The following CFAP221 variants were observed in gnomAD, a reference collection of about 807,000 sequenced individuals.
CFAP221 encodes cilia and flagella associated protein 221.
Under a neutral mutation model 113.1 loss-of-function variants are expected in CFAP221, and 97 were observed. The ratio of observed to expected loss-of-function variants is 0.86; its 90% CI spans 0.73 to 1.02. The LOEUF is 1.02. Among genes scored for constraint, CFAP221 ranks in the 50% least tolerant of loss-of-function variants. CFAP221 has a pLI of 0.00. For synonymous variants in CFAP221, 331 were observed against 354.4 expected (o/e 0.93, Z 0.74); for missense variants, 1,025 against 1,013.4 (o/e 1.01, Z -0.16).
intron 15 of CFAP221, 121 bp from the exon 16 acceptor site, chr2:119,627,518 GATATATATATATAT>G (rs57740311): frequency 1.5e-5 from 7 of 477,882 alleles, no homozygotes; most frequent in Non-Finnish European, 1.3e-5. Flanking sequence ...AGTAAAAGTG[GATATATATATATAT>G]ATATATATAT....
intron 19 of CFAP221, among the ~76,000 whole-genome samples, chr2:119,634,934 A>T (rs780870365): frequency 2.0e-5 from 3 of 152,230 alleles, no homozygotes; most frequent in Non-Finnish European, 4.4e-5. Flanking sequence ...ACATTTAAAA[A>T]TTTGTTAAAA....
rs777113282 is a variant in CFAP221, at chr2:119,648,408, A to T, written c.2318+1358A>T. On this transcript the variant is annotated intron_variant, in intron 22 of 23. Coordinates refer to ENST00000413369, the MANE Select transcript of CFAP221 (RefSeq NM_001271049.2). Reference sequence around the variant, plus strand: ...ATGAATACATATTTCTGATATTTTTAAATTTTGATTTTTCATGTCTTTGGG... The same window carrying T: ...ATGAATACATATTTCTGATATTTTTTAATTTTGATTTTTCATGTCTTTGGG... The T allele has an allele frequency of 6.6e-5, 17 of 258,764 alleles. 1 individual carries two copies. Among genetic ancestry groups the T allele is most frequent in the South Asian group, 6.3e-4 (17 of 27,196 alleles). The allele number at this position is 258,764 out of a possible 1,614,324, so 16.0% of individuals were successfully genotyped here.
chr2:119,576,965 C>T (rs1479243349), intron 6 of CFAP221, among the ~76,000 whole-genome samples: 4 of 152,208 alleles, frequency 2.6e-5, no homozygotes, highest in Admixed American at 2.6e-4. Flanking sequence ...GACTTTCTTC[C>T]TTCTCTCTAT....
At chr2:119,644,996 C>CG (rs1553496217) in intron 21 of CFAP221, among the ~76,000 whole-genome samples, 26 of 125,676 alleles carry the variant, frequency 2.1e-4, no homozygotes, top group Admixed American at 1.1e-3. Flanking sequence ...TCCAGGTCCC[C>CG]CCCCCCACCC....
chr2:119,569,099 A>AT (rs149836597), intron 6 of CFAP221, among the ~76,000 whole-genome samples: 28,654 of 150,714 alleles, frequency 0.19, 2,881 homozygotes, highest in African/African-American at 0.25. Flanking sequence ...CTACTGGGAA[A>AT]TTTTTTTTTC....
In CFAP221 at chr2:119,652,038, A is replaced by C; in HGVS notation, c.2383A>C (p.Met795Leu). The stretch of plus-strand genomic sequence containing the variant: ...AGAAATGATCAAAGTGGAATTCCCT[A>C]TGTTGAACTACAAGGACATCAGGAA... ...TPEMIKVEFP[M>L]LNYKDIRKEK... The change falls in exon 23 of 24, where the codon ATG becomes CTG. Residue 795 changes from methionine (M) to leucine (L), a missense_variant. Physicochemically the swap from Met to Leu is conservative, Grantham distance 15. Transcript: ENST00000413369. 1.9e-6 allele frequency: 3 copies of C among 1,613,240 alleles called. No homozygotes were observed. The highest frequency in any genetic ancestry group is 2.5e-6 in the Non-Finnish European group (3 of 1,179,462).
At chr2:119,555,707 C>A (rs1680746087) in intron 3 of CFAP221, among the ~76,000 whole-genome samples, 1 of 152,152 alleles carries the variant, frequency 6.6e-6, no homozygotes, top group Non-Finnish European at 1.5e-5. Context: ...GAGCCCTAGC[C>A]CAGAGCTGGA....
At chr2:119,643,482 C>A (rs1170374366) in intron 21 of CFAP221, among the ~76,000 whole-genome samples, 1 of 152,124 alleles carries the variant, frequency 6.6e-6, no homozygotes, top group East Asian at 1.9e-4. Context: ...GTGAAATGTC[C>A]AGAAGAACTT....
At chr2:119,582,589 G>A (rs975482301) in intron 6 of CFAP221, among the ~76,000 whole-genome samples, 1 of 151,818 alleles carries the variant, frequency 6.6e-6, no homozygotes, top group African/African-American at 2.4e-5. Flanking sequence ...CCGAGCAGCT[G>A]GGACTACAGG....
Position 119,607,817 on chromosome 2 carries a change from C to T in CFAP221, c.1134-685C>T, listed in dbSNP as rs79121533. On this transcript the variant is annotated intron_variant, in intron 11 of 23. Transcript: ENST00000413369. Reference sequence around the variant, plus strand: ...ACTTAACATGTTTTTAAGATTCATCCACATCATAACATGTGTTAGTACTGC... The same window carrying T: ...ACTTAACATGTTTTTAAGATTCATCTACATCATAACATGTGTTAGTACTGC... 7.4e-3 allele frequency among the ~76,000 whole-genome samples: 1,126 copies of T among 152,290 alleles called. 12 individuals are homozygous for T. Among genetic ancestry groups the T allele is most frequent in the African/African-American group, 0.026 (1,063 of 41,560 alleles).
At chr2:119,546,062 T>C in intron 1 of CFAP221, 23 bp from the exon 2 acceptor site, 1 of 1,434,922 alleles carries the variant, frequency 7.0e-7, no homozygotes, top group Non-Finnish European at 9.2e-7. Context: ...TGGATGATTA[T>C]ACTGCTGCTC....
chr2:119,610,734 T>A (rs546986286), intron 12 of CFAP221, among the ~76,000 whole-genome samples: 1 of 152,312 alleles, frequency 6.6e-6, no homozygotes, highest in East Asian at 1.9e-4. Flanking sequence ...AATGTGATGA[T>A]CAGAATAGAT....
In CFAP221 at chr2:119,629,875, G is replaced by C. The variant is rs1311557046; in HGVS notation, c.1651G>C (p.Ala551Pro). The C allele has an allele frequency of 6.2e-7, 1 of 1,609,192 alleles. No homozygotes were observed. The highest frequency in any genetic ancestry group is 2.2e-5 in the East Asian group (1 of 44,838). Residue 551 changes from alanine (A) to proline (P), a missense_variant and splice_region_variant, in exon 17 of 24, where the codon GCT becomes CCT. Physicochemically the swap from Ala to Pro is conservative, Grantham distance 27. Transcript: ENST00000413369. ...CSPPQDSNELAPDGLGLVPIK... is the reference protein window; with the variant it reads ...CSPPQDSNELPPDGLGLVPIK... The stretch of plus-strand genomic sequence containing the variant: ...CTTTTTTTCTCCTTTCACATTTTAG[G>C]CTCCTGATGGCCTTGGACTGGTCCC...
At chr2:119,657,679 A>G (rs964051409), downstream of CFAP221, among the ~76,000 whole-genome samples, 11 of 152,218 alleles carry the variant, frequency 7.2e-5, no homozygotes, top group African/African-American at 2.7e-4. Context: ...TCAGTGTTCC[A>G]GGAGTCCACA....
At chr2:119,651,493 GA>G (rs60171203) in intron 22 of CFAP221, among the ~76,000 whole-genome samples, 4,769 of 147,400 alleles carry the variant, frequency 0.032, 230 homozygotes, top group African/African-American at 0.1. Flanking sequence ...CAAAAAGATC[GA>G]AAAAAAAAAA....
chr2:119,630,420 C>T, intron 17 of CFAP221, 150 bp from the exon 18 acceptor site: 1 of 645,460 alleles, frequency 1.5e-6, no homozygotes, highest in Non-Finnish European at 2.7e-6. Flanking sequence ...GCAGTCTGGT[C>T]CAAACCAACA....
At chr2:119,634,911 T>C (rs574329963) in intron 19 of CFAP221, among the ~76,000 whole-genome samples, 7 of 152,344 alleles carry the variant, frequency 4.6e-5, no homozygotes, top group African/African-American at 7.2e-5. Context: ...ATCGCACTTA[T>C]AGCCAATAAT....
intron 2 of CFAP221, among the ~76,000 whole-genome samples, chr2:119,547,662 A>G (rs2105003605): frequency 6.6e-6 from 1 of 152,344 alleles, no homozygotes; most frequent in African/African-American, 2.4e-5. Context: ...AATAACCTAC[A>G]GAGATCGTCA....
intron 8 of CFAP221, among the ~76,000 whole-genome samples, chr2:119,603,908 A>C (rs2104671115): frequency 1.3e-5 from 2 of 152,340 alleles, no homozygotes; most frequent in East Asian, 3.9e-4. Flanking sequence ...TATTAGCTGC[A>C]CTACCTCTAA....
Sources: allele counts gnomAD v4.1 joint callset (sites outside exome capture counted in the v4.1 genomes callset), GRCh38; gene constraint gnomAD v4.1.1; transcripts MANE v1.5; gene names NCBI Gene and HGNC (gene_info 2026-07-23, HGNC 2026-07-21).